CLIC5: variants seen among roughly 807,000 people sequenced by gnomAD.
CLIC5 encodes chloride intracellular channel protein 5.
A neutral mutation model predicts 24.7 loss-of-function variants in CLIC5; 20 were observed. The ratio of observed to expected loss-of-function variants is 0.81; its 90% CI spans 0.57 to 1.18. The LOEUF is 1.18. Among genes scored for constraint, CLIC5 ranks in the 50% most tolerant of loss-of-function variants. The pLI is 0.00. For missense variants in CLIC5, 341 were observed against 326.1 expected (o/e 1.05, Z -0.35); for synonymous variants, 159 against 135.6 (o/e 1.17, Z -1.20).
At chr6:45,928,937 TC>T (rs1283243412) in intron 4 of CLIC5, among the ~76,000 whole-genome samples, 2 of 152,164 alleles carry the variant, frequency 1.3e-5, no homozygotes. Flanking sequence ...TATTTAACGT[TC>T]CTTTATTCCC....
At chr6:45,962,408 T>A (rs1764877487) in intron 1 of CLIC5, among the ~76,000 whole-genome samples, 1 of 151,170 alleles carries the variant, frequency 6.6e-6, no homozygotes, top group Non-Finnish European at 1.5e-5. Flanking sequence ...AGTCTTTTTT[T>A]CTATGAGGCC....
the CLIC5 span, among the ~76,000 whole-genome samples, chr6:46,120,758 C>T: frequency 6.6e-6 from 1 of 152,128 alleles, no homozygotes; most frequent in Non-Finnish European, 1.5e-5. Flanking sequence ...GAGCTGAAAA[C>T]CATGGCACGA....
chr6:45,969,236 G>A (rs1308945314), intron 1 of CLIC5, among the ~76,000 whole-genome samples: 1 of 152,166 alleles, frequency 6.6e-6, no homozygotes, highest in African/African-American at 2.4e-5. Flanking sequence ...ACAGGCAGCT[G>A]GATCTGCAGG....
At chr6:46,123,791 GACAA>G in the CLIC5 span, among the ~76,000 whole-genome samples, 11 of 152,202 alleles carry the variant, frequency 7.2e-5, no homozygotes, top group African/African-American at 1.9e-4. Context: ...ACCAATAACA[GACAA>G]ACAGAGAGCC....
intron 5 of CLIC5, among the ~76,000 whole-genome samples, chr6:45,904,324 A>G (rs887581989): frequency 2.0e-5 from 3 of 152,074 alleles, no homozygotes; most frequent in Admixed American, 6.6e-5. Flanking sequence ...ATTGAGACCT[A>G]GCTTGTACCC....
intron 4 of CLIC5, among the ~76,000 whole-genome samples, chr6:45,933,399 A>G (rs1763816973): frequency 6.6e-6 from 1 of 152,134 alleles, no homozygotes; most frequent in Non-Finnish European, 1.5e-5. Context: ...ATTTCTTATA[A>G]TTTGATTATT....
intron 1 of CLIC5, among the ~76,000 whole-genome samples, chr6:45,974,803 C>G (rs1001268224): frequency 5.3e-5 from 8 of 151,988 alleles, no homozygotes; most frequent in Non-Finnish European, 1.2e-4. Flanking sequence ...GTAACCCCAT[C>G]CCCACCCCCT....
intron 5 of CLIC5, chr6:45,912,111 T>C: frequency 3.0e-6 from 3 of 986,226 alleles, no homozygotes; most frequent in Non-Finnish European, 3.6e-6. Context: ...CTCTTTCATA[T>C]GAAAACAGTT....
intron 1 of CLIC5, among the ~76,000 whole-genome samples, chr6:45,974,155 A>G (rs1016695824): frequency 5.3e-5 from 8 of 151,682 alleles, no homozygotes; most frequent in Admixed American, 5.3e-4. Flanking sequence ...GAGAGAGGAG[A>G]AATATATATA....
chr6:46,028,944 A>G lies in CLIC5; in HGVS notation c.540+50759T>C, dbSNP rs116066148. On this transcript the variant is annotated intron_variant, in intron 1 of 5. Coordinates refer to the CLIC5 transcript ENST00000185206. The stretch of plus-strand genomic sequence containing the variant: ...CTATGGAGTATTTTCACCGCCCTAA[A>G]TATCCTCTGTGCCCTGCCTATTCAT... Among the ~76,000 whole-genome samples the G allele has an allele frequency of 8.9e-3, 1,354 of 152,148 alleles. 16 individuals carry two copies. The highest frequency in any genetic ancestry group is 0.03 in the African/African-American group (1,258 of 41,486).
the CLIC5 span, among the ~76,000 whole-genome samples, chr6:46,114,234 G>A: frequency 1.2e-4 from 18 of 152,140 alleles, no homozygotes; most frequent in East Asian, 7.8e-4. Flanking sequence ...TAGTTTGTCC[G>A]CTATTGCCTT....
At chr6:46,091,885 T>C in the CLIC5 span, among the ~76,000 whole-genome samples, 1 of 152,202 alleles carries the variant, frequency 6.6e-6, no homozygotes, top group Admixed American at 6.5e-5. Flanking sequence ...GTAGAGGAAT[T>C]ACTGGACCTT....
the CLIC5 span, among the ~76,000 whole-genome samples, chr6:46,126,999 G>A: frequency 3.3e-5 from 5 of 152,164 alleles, no homozygotes; most frequent in East Asian, 1.9e-4. Flanking sequence ...AGTCTTGAGC[G>A]TAGTTCATGG....
intron 4 of CLIC5, among the ~76,000 whole-genome samples, chr6:45,917,505 C>T (rs1763076910): frequency 6.6e-6 from 1 of 152,118 alleles, no homozygotes; most frequent in Admixed American, 6.5e-5. Context: ...AAATCAATAG[C>T]CTGGAGATTT....
intron 6 of CLIC5, among the ~76,000 whole-genome samples, chr6:45,892,982 C>G (rs1241990396): frequency 6.6e-6 from 1 of 152,196 alleles, no homozygotes; most frequent in African/African-American, 2.4e-5. Context: ...TACATTTTAA[C>G]TGCTCCTTTC....
chr6:45,987,491 A>G (rs1445531903), intron 1 of CLIC5, among the ~76,000 whole-genome samples: 1 of 152,216 alleles, frequency 6.6e-6, no homozygotes, highest in Admixed American at 6.5e-5. Flanking sequence ...GAACTATAAG[A>G]TAGATTTTTG....
chr6:45,987,329 T>C (rs1765778089), intron 1 of CLIC5, among the ~76,000 whole-genome samples: 1 of 152,194 alleles, frequency 6.6e-6, no homozygotes, highest in South Asian at 2.1e-4. Context: ...TGTGCACACC[T>C]AAGCTCTATC....
chr6:45,979,348 C>A (rs904220560), intron 1 of CLIC5, among the ~76,000 whole-genome samples: 2 of 152,158 alleles, frequency 1.3e-5, no homozygotes, highest in Non-Finnish European at 2.9e-5. Context: ...AAGCATGTCA[C>A]GTTCTTTCCT....
chr6:45,951,421 G>A (rs1053241562), intron 2 of CLIC5, among the ~76,000 whole-genome samples: 20 of 152,188 alleles, frequency 1.3e-4, no homozygotes, highest in African/African-American at 4.3e-4. Context: ...CATTTCTGGC[G>A]TGCACTGGGG....
Sources: gnomAD v4.1 joint callset for allele counts (sites outside exome capture counted in the v4.1 genomes callset) on GRCh38, gnomAD v4.1.1 for gene constraint, MANE v1.5 for transcripts, NCBI Gene and HGNC (gene_info 2026-07-23, HGNC 2026-07-21) for gene names.